NLGN4X: variants seen among roughly 807,000 people sequenced by gnomAD.
NLGN4X encodes the protein neuroligin 4 X-linked.
A neutral mutation model predicts 40.3 loss-of-function variants in NLGN4X; 3 were observed. That is an observed-to-expected ratio of 0.07 (90% CI 0.03 to 0.19). The LOEUF is 0.19. Ranked by LOEUF, NLGN4X falls within the 10% of genes least tolerant of loss-of-function variation. The pLI is 1.00. For missense variants in NLGN4X, 382 were observed against 708.3 expected (o/e 0.54, Z 5.23); for synonymous variants, 270 against 306.8 (o/e 0.88, Z 1.25).
chrX:6,011,288 T>C (rs1319964148), intron 3 of NLGN4X, among the ~76,000 whole-genome samples: 3 of 110,171 alleles, frequency 2.7e-5, no homozygotes, highest in Admixed American at 2.0e-4. Flanking sequence ...AGAGCATTCA[T>C]GCTGGCCAAA....
chrX:5,900,537 T>TA (rs1159556390), intron 5 of NLGN4X, among the ~76,000 whole-genome samples: 2 of 107,552 alleles, frequency 1.9e-5, no homozygotes, highest in Non-Finnish European at 3.8e-5. Flanking sequence ...TTTCTGTTGT[T>TA]ATAAGACACA....
At chrX:5,985,752 T>C (rs903773373) in intron 3 of NLGN4X, among the ~76,000 whole-genome samples, 1 of 111,831 alleles carries the variant, frequency 8.9e-6, no homozygotes, top group Non-Finnish European at 1.9e-5. Context: ...AGACGCTATG[T>C]AGAAAAGACT....
chrX:6,179,297 T>C (rs1015466578), intron 1 of NLGN4X, among the ~76,000 whole-genome samples: 15 of 110,822 alleles, frequency 1.4e-4, no homozygotes, highest in Non-Finnish European at 2.6e-4. Context: ...TGAAACACCA[T>C]CATGAGGAAA....
chrX:6,087,276 GCAACATACACA>G (rs1333019129), intron 2 of NLGN4X, among the ~76,000 whole-genome samples: 4 of 109,910 alleles, frequency 3.6e-5, no homozygotes, highest in Non-Finnish European at 7.6e-5. Context: ...TTTTAATACA[GCAACATACACA>G]CATTTGTATA....
Position 6,126,051 on chromosome X carries a change from T to C in NLGN4X, c.472+24944A>G, listed in dbSNP as rs6639597. On this transcript the variant is annotated intron_variant, in intron 2 of 5. Transcript: ENST00000381095. ...AATTGAATATATATTTAAAAATATATTAATTTTCAGAGCACATTAATTATA... is the reference window on the plus strand; with the variant it reads ...AATTGAATATATATTTAAAAATATACTAATTTTCAGAGCACATTAATTATA... Among the ~76,000 whole-genome samples the C allele has an allele frequency of 1.1e-4, 12 of 111,263 alleles. No homozygotes were observed. In the East Asian group the frequency reaches 3.1e-3, roughly 28 times the overall value.
chrX:5,938,958 T>TGTGTGTGTGC (rs1555924586), intron 3 of NLGN4X, among the ~76,000 whole-genome samples: 1 of 94,694 alleles, frequency 1.1e-5, no homozygotes, highest in African/African-American at 5.0e-5. Context: ...TTTGTATTTG[T>TGTGTGTGTGC]GTGTGTGCGT....
chrX:5,981,812 T>A (rs886496582), intron 3 of NLGN4X, among the ~76,000 whole-genome samples: 4 of 111,001 alleles, frequency 3.6e-5, no homozygotes, highest in Non-Finnish European at 5.7e-5. Context: ...ACATACATTG[T>A]GTCTTATTTA....
intron 3 of NLGN4X, among the ~76,000 whole-genome samples, chrX:5,930,586 C>T (rs190475985): frequency 1.5e-3 from 166 of 112,349 alleles, no homozygotes; most frequent in African/African-American, 5.3e-3. Context: ...TATTTCAAAG[C>T]CACCAATTAA....
intron 1 of NLGN4X, among the ~76,000 whole-genome samples, chrX:6,153,755 A>G (rs1306680058): frequency 8.9e-6 from 1 of 112,119 alleles, no homozygotes; most frequent in Non-Finnish European, 1.9e-5. Context: ...TCTCAAACTC[A>G]ATGTGAATGA....
intron 3 of NLGN4X, among the ~76,000 whole-genome samples, chrX:6,003,043 G>T (rs12013227): frequency 9.0e-6 from 1 of 110,763 alleles, no homozygotes; most frequent in Non-Finnish European, 1.9e-5. Flanking sequence ...CAATTTGTTC[G>T]TGTGACCTGA....
At position 5,968,215 on chromosome X, in the gene NLGN4X, G is replaced by A. The variant is rs192144925; in HGVS notation, c.626-58976C>T. 2.0e-3 allele frequency among the ~76,000 whole-genome samples: 216 copies of A among 108,079 alleles called. 1 individual carries two copies. The highest frequency in any genetic ancestry group is 6.3e-3 in the African/African-American group (185 of 29,508). 93.9% of individuals were successfully genotyped at this position (108,079 alleles called of 115,157 possible). A position where few individuals can be genotyped will look rare whatever the true frequency, so the allele number is the denominator to read the frequency against. ...CTCTCAGCTCCCTTTTCGATGGTTC[G>A]TTCTTCTCTAAAAGGAATGTGAATG... is the stretch of plus-strand genomic sequence containing the variant. On this transcript the variant is annotated intron_variant, in intron 3 of 5. Coordinates refer to ENST00000381095, the MANE Select transcript of NLGN4X (RefSeq NM_181332.3).
At chrX:5,995,991 T>A (rs1431673623) in intron 3 of NLGN4X, among the ~76,000 whole-genome samples, 1 of 111,888 alleles carries the variant, frequency 8.9e-6, no homozygotes, top group Non-Finnish European at 1.9e-5. Context: ...GTCTTACAAT[T>A]AAACTTTTTT....
intron 3 of NLGN4X, among the ~76,000 whole-genome samples, chrX:6,012,454 C>CTGAATACA (rs1032586053): frequency 8.9e-6 from 1 of 111,891 alleles, no homozygotes; most frequent in African/African-American, 3.3e-5. Flanking sequence ...AGGTGGCATC[C>CTGAATACA]TGAATACATT....
chrX:6,149,010 T>G (rs1020850275), intron 2 of NLGN4X, among the ~76,000 whole-genome samples: 1 of 112,236 alleles, frequency 8.9e-6, no homozygotes, highest in Admixed American at 9.4e-5. Context: ...AGATTTCTGA[T>G]TCCCTTGTCA....
chrX:6,024,118 CT>C (rs1354022842), intron 3 of NLGN4X, among the ~76,000 whole-genome samples: 1 of 111,873 alleles, frequency 8.9e-6, no homozygotes, highest in Non-Finnish European at 1.9e-5. Flanking sequence ...TCAGATTATC[CT>C]CTGCAGTTTC....
At chrX:5,937,052 CCT>C (rs976021341) in intron 3 of NLGN4X, among the ~76,000 whole-genome samples, 1 of 109,612 alleles carries the variant, frequency 9.1e-6, no homozygotes, top group Non-Finnish European at 1.9e-5. Flanking sequence ...CTAATAAACA[CCT>C]CTCTCTCTCT....
At chrX:5,938,084 G>A (rs756742959) in intron 3 of NLGN4X, among the ~76,000 whole-genome samples, 16 of 111,339 alleles carry the variant, frequency 1.4e-4, no homozygotes, top group Non-Finnish European at 2.5e-4. Flanking sequence ...TTTGGGTAAC[G>A]ATTCAGAACA....
At chrX:6,027,804 A>T (rs948554106) in intron 3 of NLGN4X, among the ~76,000 whole-genome samples, 1 of 102,800 alleles carries the variant, frequency 9.7e-6, no homozygotes, top group African/African-American at 3.4e-5. Context: ...TAATTAATTT[A>T]TTACTAGTAT....
At chrX:5,893,962 A>T (rs1413121235) in intron 5 of NLGN4X, among the ~76,000 whole-genome samples, 1 of 112,596 alleles carries the variant, frequency 8.9e-6, no homozygotes, top group Admixed American at 9.4e-5. Flanking sequence ...ATCTTCAAAA[A>T]TAAAGGGAAA....
Sources: allele counts gnomAD v4.1 joint callset (sites outside exome capture counted in the v4.1 genomes callset), GRCh38; gene constraint gnomAD v4.1.1; transcripts MANE v1.5; gene names NCBI Gene and HGNC (gene_info 2026-07-23, HGNC 2026-07-21).